HIVEP3: variants seen among roughly 807,000 people sequenced by gnomAD.
The protein encoded by HIVEP3 is HIVEP zinc finger 3, also known as transcription factor HIVEP3.
HIVEP3 carries 49 observed loss-of-function variants against 152.8 expected under a neutral mutation model. The observed-to-expected ratio is 0.32, with a 90% CI of 0.26 to 0.41. The LOEUF (loss-of-function observed/expected upper bound fraction) is 0.41. Among genes scored for constraint, HIVEP3 ranks in the 10% least tolerant of loss-of-function variants. The pLI is 1.00. For synonymous variants in HIVEP3, 1,269 were observed against 1,289.0 expected, an observed-to-expected ratio of 0.98 and a Z score of 0.33; for missense variants, 2,790 against 3,103.3, an observed-to-expected ratio of 0.90 and a Z score of 2.40.
rs569897028 is a variant in HIVEP3 at position 41,702,117 on chromosome 1, G to A, written c.-800-1122C>T. 2.6e-5 allele frequency among the ~76,000 whole-genome samples: 4 copies of A among 152,252 alleles called. No homozygotes were observed. The South Asian group carries it at 6.2e-4, about 24-fold the overall frequency. On this transcript the variant is annotated intron_variant, in intron 1 of 8. Transcript: ENST00000372583. ...GTTGTTACGAGGAGTAAATGAGATA[G>A]TAGAAAGCATCCAGGTAAGGGCCTG...
At chr1:42,027,699 C>T (rs770388685) in intron 1 of HIVEP3, among the ~76,000 whole-genome samples, 4 of 152,196 alleles carry the variant, frequency 2.6e-5, no homozygotes, top group Admixed American at 6.5e-5. Flanking sequence ...AGAGGTTTAA[C>T]TGGACTTACA....
Position 41,510,608 on chromosome 1 carries a change from A to C in HIVEP3, c.7064T>G (p.Val2355Gly). The C allele has an allele frequency of 6.4e-7, 1 of 1,555,476 alleles. No individual in the cohort carries two copies. Among genetic ancestry groups the C allele is most frequent in the Non-Finnish European group, 8.7e-7 (1 of 1,150,230 alleles). The change falls in exon 9 of 9, where the codon GTG becomes GGG. Residue 2355 changes from valine to glycine, a missense_variant. Around this residue, in one of 9 missense-constraint regions of HIVEP3, gnomAD observed 816 missense variants for 806.5 expected, o/e 1.01. Transcript: ENST00000372583. ...ATPPLDRSSS[V>G]GCLAEASARF... is the part of the protein sequence containing the mutation. ...GGCAGAGGCCTCTGCCAGGCAGCCC[A>C]CAGAGCTGCTGCGGTCCAGCGGCGG... is the stretch of plus-strand genomic sequence containing the variant.
intron 1 of HIVEP3, among the ~76,000 whole-genome samples, chr1:41,868,258 A>C (rs1644017668): frequency 6.7e-6 from 1 of 148,654 alleles, no homozygotes; most frequent in Non-Finnish European, 1.5e-5. Flanking sequence ...ATAGAGTCTG[A>C]CTTCAGTGTT....
chr1:41,591,317 C>G (rs1275166170), intron 3 of HIVEP3, among the ~76,000 whole-genome samples: 1 of 152,090 alleles, frequency 6.6e-6, no homozygotes, highest in Non-Finnish European at 1.5e-5. Flanking sequence ...CACACTGACC[C>G]ACCAGGATAT....
intron 1 of HIVEP3, among the ~76,000 whole-genome samples, chr1:41,790,089 C>T (rs1263594718): frequency 6.6e-6 from 1 of 152,182 alleles, no homozygotes; most frequent in Non-Finnish European, 1.5e-5. Flanking sequence ...TCTGGCTCTG[C>T]CACTTCTTAA....
chr1:41,608,970 G>C lies in HIVEP3; in HGVS notation c.-522+19779C>G, dbSNP rs142250523. Among the ~76,000 whole-genome samples, 124 of 150,624 alleles carry C rather than the reference G, an allele frequency of 8.2e-4. 1 individual carries two copies. Among genetic ancestry groups the C allele is most frequent in the African/African-American group, 2.5e-3 (104 of 40,880 alleles). On this transcript the variant is annotated intron_variant, in intron 3 of 8. Transcript: ENST00000372583. ...GTGGTGGTGCATGCCTGTAATCCCA[G>C]TTACTTGGAAGGTTGAGGCAGGAGA...
intron 3 of HIVEP3, among the ~76,000 whole-genome samples, chr1:41,611,558 A>T (rs1194012965): frequency 6.6e-6 from 1 of 152,258 alleles, no homozygotes; most frequent in African/African-American, 2.4e-5. Flanking sequence ...AGGGGCACAC[A>T]TTCAACAAAG....
At chr1:41,811,715 C>T (rs1455205920) in intron 1 of HIVEP3, among the ~76,000 whole-genome samples, 1 of 151,668 alleles carries the variant, frequency 6.6e-6, no homozygotes, top group African/African-American at 2.4e-5. Context: ...AAAGGCGAAA[C>T]GTCAGGAGAG....
intron 1 of HIVEP3, among the ~76,000 whole-genome samples, chr1:41,861,064 T>C (rs1395791163): frequency 1.3e-5 from 2 of 152,198 alleles, no homozygotes; most frequent in African/African-American, 2.4e-5. Flanking sequence ...GCCAGGGCAC[T>C]GGAGGTGGGT....
intron 6 of HIVEP3, among the ~76,000 whole-genome samples, chr1:41,523,362 A>G (rs1642815377): frequency 6.6e-6 from 1 of 152,302 alleles, no homozygotes; most frequent in Non-Finnish European, 1.5e-5. Flanking sequence ...ATGAGACACC[A>G]AGAGAGAAGA....
intron 8 of HIVEP3, among the ~76,000 whole-genome samples, chr1:41,512,476 G>A (rs543029221): frequency 3.9e-5 from 6 of 152,302 alleles, no homozygotes; most frequent in African/African-American, 1.4e-4. Flanking sequence ...AGAACTGTGA[G>A]CCTATTCAAC....
chr1:41,955,014 C>G (rs1025627891), intron 1 of HIVEP3, among the ~76,000 whole-genome samples: 3 of 147,298 alleles, frequency 2.0e-5, no homozygotes, highest in African/African-American at 7.5e-5. Flanking sequence ...AAAATTGAGG[C>G]TGGGGAGGCT....
At position 41,539,765 on chromosome 1, in the gene HIVEP3, ACTT is replaced by A. The variant is rs944490648; in HGVS notation, c.5208-14858_5208-14856del. ...TTCTTCTTGGTTAACATTTATGAAC[ACTT>A]CTTCTTCTCATTATTATTTTTGCTA... is the stretch of plus-strand genomic sequence containing the variant. On this transcript the variant is annotated intron_variant, in intron 5 of 8. Coordinates refer to ENST00000372583, the MANE Select transcript of HIVEP3 (RefSeq NM_024503.5). Among the ~76,000 whole-genome samples, 19 of 152,362 alleles carry A rather than the reference ACTT, an allele frequency of 1.2e-4. No individual in the cohort carries two copies. The South Asian group carries it at 1.7e-3, about 13-fold the overall frequency.
chr1:41,598,753 A>G (rs753283010), intron 3 of HIVEP3, among the ~76,000 whole-genome samples: 11 of 152,206 alleles, frequency 7.2e-5, no homozygotes, highest in East Asian at 1.9e-4. Context: ...AAGAAGATCA[A>G]TGGAAACAGA....
chr1:41,567,899 T>G (rs1351898089), intron 5 of HIVEP3, among the ~76,000 whole-genome samples: 4 of 152,356 alleles, frequency 2.6e-5, no homozygotes, highest in Admixed American at 1.3e-4. Flanking sequence ...CTCACTGGCC[T>G]GGTTTCGCCT....
Position 41,512,947 on chromosome 1 carries a change from C to A in HIVEP3, c.6274G>T (p.Ala2092Ser), listed in dbSNP as rs774644193. The A allele has an allele frequency of 1.9e-6, 3 of 1,608,146 alleles. No homozygotes were observed. Among genetic ancestry groups the A allele is most frequent in the Non-Finnish European group, 1.7e-6 (2 of 1,177,588 alleles). The change falls in exon 8 of 9, where the codon GCT becomes TCT. Residue 2092 changes from alanine (A) to serine (S), a missense_variant. Physicochemically the swap from Ala to Ser is moderately conservative, Grantham distance 99. This residue lies in a region of HIVEP3 where 816 missense variants were observed against 806.5 expected (regional missense o/e 1.01). Coordinates refer to ENST00000372583, the MANE Select transcript of HIVEP3 (RefSeq NM_024503.5). ...CCCGCTGAGGGGCTGCCCGGCCCAGCCAAGGCCCACTTCCCTGGCGGCGCT... is the reference window on the plus strand; with the variant it reads ...CCCGCTGAGGGGCTGCCCGGCCCAGACAAGGCCCACTTCCCTGGCGGCGCT... ...RSAPPGKWAL[A>S]GPGSPSAGEH...
At chr1:41,522,760 C>T (rs1471757573) in intron 6 of HIVEP3, among the ~76,000 whole-genome samples, 1 of 152,216 alleles carries the variant, frequency 6.6e-6, no homozygotes, top group Non-Finnish European at 1.5e-5. Flanking sequence ...TGAGTGGGCC[C>T]CCTGTGGGAA....
At chr1:41,771,533 C>T (rs1166754668) in intron 1 of HIVEP3, among the ~76,000 whole-genome samples, 2 of 152,180 alleles carry the variant, frequency 1.3e-5, no homozygotes, top group Admixed American at 6.5e-5. Context: ...GCGTGTCTAC[C>T]CCTCCTTGCT....
In HIVEP3 at chr1:41,581,263, G is replaced by A. The variant is rs1558082278; in HGVS notation, c.3535C>T (p.Pro1179Ser). Reference protein sequence around the residue: ...SSLLSSPYSMPPLPPSLFQAP... With the variant: ...SSLLSSPYSMSPLPPSLFQAP... ...TGAAATAAGGAGGGAGGAAGTGGGG[G>A]CATGGAGTATGGTGAGGACAGGAGG... Residue 1179 changes from proline (P) to serine (S), a missense_variant, in exon 4 of 9, where the codon CCC becomes TCC. Transcript: ENST00000372583. This position sits in a 1 kb window ranked among gnomAD's most constrained non-coding sequence, Gnocchi z 4.5. 2.2e-5 allele frequency: 35 copies of A among 1,599,882 alleles called. No individual in the cohort carries two copies. Among genetic ancestry groups the A allele is most frequent in the Non-Finnish European group, 2.9e-5 (34 of 1,173,498 alleles).
Sources: allele counts gnomAD v4.1 joint callset (sites outside exome capture counted in the v4.1 genomes callset), GRCh38; gene constraint gnomAD v4.1.1; regional missense constraint gnomAD v4.1.1; non-coding constraint Gnocchi (gnomAD v3.1); transcripts MANE v1.5; gene names NCBI Gene and HGNC (gene_info 2026-07-23, HGNC 2026-07-21).